Variants in APP observed in about 807,000 individuals in gnomAD.
APP encodes amyloid beta precursor protein.
A neutral mutation model predicts 101.4 loss-of-function variants in APP; 31 were observed. The observed-to-expected ratio is 0.31, with a 90% CI of 0.23 to 0.41. APP has a LOEUF of 0.41. APP is among the 10% of genes least tolerant of loss of function. The probability of loss-of-function intolerance (pLI) is 1.00; values close to 1 mark genes in which losing one functional copy is unlikely to be tolerated. For synonymous variants in APP, 366 were observed against 364.4 expected (o/e 1.00, Z -0.05); for missense variants, 839 against 1,003.7 (o/e 0.84, Z 2.22).
chr21:26,163,425 T>C (rs1026922864), intron 1 of APP, among the ~76,000 whole-genome samples: 3 of 152,154 alleles, frequency 2.0e-5, no homozygotes, highest in Admixed American at 2.0e-4. Context: ...AAGGAATCAC[T>C]GCACTTCATT....
intron 1 of APP, among the ~76,000 whole-genome samples, chr21:26,115,849 G>T (rs1216054494): frequency 6.6e-6 from 1 of 152,086 alleles, no homozygotes; most frequent in East Asian, 1.9e-4. Flanking sequence ...TTTTCTAAAA[G>T]AAAAGAAATA....
intron 13 of APP, among the ~76,000 whole-genome samples, chr21:25,927,733 C>T (rs1388035296): frequency 4.6e-5 from 7 of 152,154 alleles, no homozygotes. Flanking sequence ...TGAAAATATT[C>T]CTTATTGCTA....
intron 6 of APP, among the ~76,000 whole-genome samples, chr21:26,011,902 A>G (rs1406513212): frequency 6.6e-6 from 1 of 152,224 alleles, no homozygotes; most frequent in East Asian, 1.9e-4. Context: ...ATAAGAACAT[A>G]TATAAATTTA....
intron 1 of APP, among the ~76,000 whole-genome samples, chr21:26,151,766 G>C (rs1163150401): frequency 6.6e-6 from 1 of 152,130 alleles, no homozygotes; most frequent in Non-Finnish European, 1.5e-5. Context: ...GGCTCAGGCA[G>C]CAACACTCAC....
rs184173262 is a variant in APP, at chr21:26,122,787, T to C, written c.58-10641A>G. Among the ~76,000 whole-genome samples, 97 of 151,956 alleles carry C rather than the reference T, an allele frequency of 6.4e-4. 1 individual carries two copies. Among genetic ancestry groups the C allele is most frequent in the African/African-American group, 2.2e-3 (91 of 41,550 alleles). On this transcript the variant is annotated intron_variant, in intron 1 of 17. Coordinates refer to ENST00000346798, the MANE Select transcript of APP (RefSeq NM_000484.4). ...GATTTTAATAAAATTTTTTATTTTA[T>C]TAAAAGATTTCTTAAAGGTCATTAA...
At chr21:26,031,589 A>G (rs2044827670) in intron 5 of APP, among the ~76,000 whole-genome samples, 2 of 152,124 alleles carry the variant, frequency 1.3e-5, no homozygotes, top group Non-Finnish European at 2.9e-5. Flanking sequence ...GCAAGAGAAA[A>G]ATGAGGAAGA....
At chr21:26,026,491 C>G (rs528269527) in intron 5 of APP, among the ~76,000 whole-genome samples, 3 of 152,298 alleles carry the variant, frequency 2.0e-5, no homozygotes, top group Non-Finnish European at 4.4e-5. Context: ...TAAAGCTGAC[C>G]TTGATATAAT....
intron 13 of APP, among the ~76,000 whole-genome samples, chr21:25,930,449 T>C (rs571601401): frequency 8.9e-4 from 135 of 152,286 alleles, no homozygotes; most frequent in African/African-American, 3.1e-3. Flanking sequence ...ATGCAAAGAA[T>C]TGGTTAGCAA....
At chr21:26,042,121 T>A (rs1476121556) in intron 5 of APP, among the ~76,000 whole-genome samples, 5 of 152,146 alleles carry the variant, frequency 3.3e-5, no homozygotes, top group African/African-American at 1.2e-4. Context: ...CCCTCTAAAG[T>A]TGTTAGGTTT....
intron 3 of APP, among the ~76,000 whole-genome samples, chr21:26,058,176 CTG>C (rs1425647973): frequency 6.6e-6 from 1 of 152,224 alleles, no homozygotes; most frequent in African/African-American, 2.4e-5. Context: ...ATTCAAGACT[CTG>C]TGTCCAAGTT....
Position 26,021,961 on chromosome 21 carries a change from A to T in APP, c.744T>A (p.Asp248Glu). ...EEEEADDDED[D>E]EDGDEVEEEA... The stretch of plus-strand genomic sequence containing the variant: ...CTTCCTCTACCTCATCACCATCCTC[A>T]TCGTCCTCGTCATCATCGGCTTCTT... Residue 248 changes from aspartate to glutamate, a missense_variant, in exon 6 of 18, where the codon GAT becomes GAA. Coordinates refer to ENST00000346798, the MANE Select transcript of APP (RefSeq NM_000484.4). The T allele has an allele frequency of 6.2e-7, 1 of 1,613,722 alleles. No individual in the cohort carries two copies. Among genetic ancestry groups the T allele is most frequent in the East Asian group, 2.2e-5 (1 of 44,848 alleles).
intron 5 of APP, among the ~76,000 whole-genome samples, chr21:26,036,324 T>C (rs2045108592): frequency 6.6e-6 from 1 of 151,798 alleles, no homozygotes; most frequent in Admixed American, 6.6e-5. Context: ...GCATAAACAA[T>C]GTGTAGGAAA....
intron 16 of APP, among the ~76,000 whole-genome samples, chr21:25,894,175 C>T (rs76917639): frequency 0.088 from 13,330 of 152,218 alleles, 773 homozygotes; most frequent in Middle Eastern, 0.18. Flanking sequence ...TGCTCACTAA[C>T]AAAGCACCTA....
At chr21:25,983,806 C>T (rs1246337367) in intron 8 of APP, among the ~76,000 whole-genome samples, 1 of 152,150 alleles carries the variant, frequency 6.6e-6, no homozygotes, top group Non-Finnish European at 1.5e-5. Flanking sequence ...CCTGTCTTCT[C>T]TGTAGCAAAT....
chr21:25,930,576 A>AGAT (rs3084230), intron 13 of APP, among the ~76,000 whole-genome samples: 152,218 of 152,218 alleles, frequency 1, 76,109 homozygotes, highest in Non-Finnish European at 1. Context: ...CAAGTGTGTA[A>AGAT]TAGCACAAAT....
chr21:26,034,521 A>G (rs1004028811), intron 5 of APP, among the ~76,000 whole-genome samples: 1 of 151,816 alleles, frequency 6.6e-6, no homozygotes, highest in African/African-American at 2.4e-5. Flanking sequence ...GGGCGCCTAT[A>G]GTCCCAGTTA....
At chr21:26,147,374 A>G (rs945408408) in intron 1 of APP, among the ~76,000 whole-genome samples, 3 of 152,192 alleles carry the variant, frequency 2.0e-5, no homozygotes, top group Non-Finnish European at 4.4e-5. Context: ...TGTAAAAAAT[A>G]TTTAGCTACT....
At chr21:25,998,673 A>T (rs1466313814) in intron 7 of APP, among the ~76,000 whole-genome samples, 1 of 152,184 alleles carries the variant, frequency 6.6e-6, no homozygotes, top group Non-Finnish European at 1.5e-5. Context: ...GCGGAGAATT[A>T]GGCAGGAGTC....
In APP at chr21:26,117,449, T is replaced by C. The variant is rs140643029; in HGVS notation, c.58-5303A>G. Among the ~76,000 whole-genome samples the C allele has an allele frequency of 6.4e-4, 97 of 152,352 alleles. 1 individual carries two copies. Among genetic ancestry groups the C allele is most frequent in the African/African-American group, 2.2e-3 (91 of 41,580 alleles). ...GTATTTCCAGTGTAAGCGGAACATC[T>C]GCAGTTGCTCATTTCATCACTAACA... On this transcript the variant is annotated intron_variant, in intron 1 of 17. Transcript: ENST00000346798.
Sources: allele counts gnomAD v4.1 joint callset (sites outside exome capture counted in the v4.1 genomes callset), GRCh38; gene constraint gnomAD v4.1.1; transcripts MANE v1.5; gene names NCBI Gene and HGNC (gene_info 2026-07-23, HGNC 2026-07-21).